Variants in STPG2 observed in about 807,000 individuals in gnomAD.
STPG2 encodes the protein sperm-tail PG-rich repeat-containing protein 2.
Under a neutral mutation model 54.2 loss-of-function variants are expected in STPG2, and 56 were observed. That is an observed-to-expected ratio of 1.03 (90% CI 0.83 to 1.29). The LOEUF is 1.29. STPG2 is among the 50% of genes most tolerant of loss of function. STPG2 has a pLI of 0.00. For missense variants in STPG2, 596 were observed against 544.9 expected (o/e 1.09, Z -0.93); for synonymous variants, 200 against 181.8 (o/e 1.10, Z -0.81).
intron 8 of STPG2, among the ~76,000 whole-genome samples, chr4:97,872,044 G>C (rs986816096): frequency 6.6e-6 from 1 of 150,954 alleles, no homozygotes; most frequent in African/African-American, 2.4e-5. Flanking sequence ...ACAGTCATAT[G>C]ATCATCTCAT....
chr4:97,556,365 T>A (rs564632181), downstream of STPG2, among the ~76,000 whole-genome samples: 1 of 152,148 alleles, frequency 6.6e-6, no homozygotes, highest in Non-Finnish European at 1.5e-5. Flanking sequence ...TCCAATTCCA[T>A]CCTTCAGAAA....
chr4:98,017,660 G>T (rs1736007406), intron 5 of STPG2, among the ~76,000 whole-genome samples: 1 of 152,126 alleles, frequency 6.6e-6, no homozygotes, highest in Non-Finnish European at 1.5e-5. Flanking sequence ...TGCACAGATG[G>T]TTGTTTCAAC....
intron 10 of STPG2, among the ~76,000 whole-genome samples, chr4:97,621,367 C>CATTACTAAG (rs1360385615): frequency 7.2e-5 from 11 of 151,946 alleles, no homozygotes; most frequent in African/African-American, 2.7e-4. Flanking sequence ...AGTTTGAAAA[C>CATTACTAAG]ATTACTAAGA....
chr4:97,738,649 C>A (rs1259015134), intron 9 of STPG2, among the ~76,000 whole-genome samples: 2 of 152,156 alleles, frequency 1.3e-5, no homozygotes, highest in African/African-American at 4.8e-5. Flanking sequence ...ATCAATTCAA[C>A]AAGAAGAGCT....
chr4:97,500,201 T>C (rs906329549), intron 4 of STPG2, among the ~76,000 whole-genome samples: 1 of 151,996 alleles, frequency 6.6e-6, no homozygotes, highest in African/African-American at 2.4e-5. Flanking sequence ...ATTTGGAAAG[T>C]AGAGCAAATA....
At chr4:97,903,254 G>A (rs188517064) in intron 8 of STPG2, among the ~76,000 whole-genome samples, 1 of 152,170 alleles carries the variant, frequency 6.6e-6, no homozygotes, top group Admixed American at 6.5e-5. Context: ...ATGAGATAAT[G>A]GATATGATAA....
chr4:97,727,119 GAC>G (rs2149022500), intron 9 of STPG2, among the ~76,000 whole-genome samples: 1 of 151,888 alleles, frequency 6.6e-6, no homozygotes, highest in East Asian at 1.9e-4. Flanking sequence ...GTGAAAATTA[GAC>G]ACATAATTAC....
intron 4 of STPG2, among the ~76,000 whole-genome samples, chr4:97,455,561 GA>G (rs1428179648): frequency 6.6e-6 from 1 of 152,114 alleles, no homozygotes; most frequent in Non-Finnish European, 1.5e-5. Context: ...GACTCCAGGG[GA>G]AAAACCACCT....
chr4:97,801,496 AC>A (rs1727395886), intron 9 of STPG2, among the ~76,000 whole-genome samples: 1 of 152,214 alleles, frequency 6.6e-6, no homozygotes. Context: ...AAGAACTTGC[AC>A]AACGATTTCT....
At chr4:97,979,748 C>T (rs1452909283) in intron 6 of STPG2, among the ~76,000 whole-genome samples, 2 of 146,626 alleles carry the variant, frequency 1.4e-5, no homozygotes, top group African/African-American at 5.1e-5. Context: ...TTTTTTGAGA[C>T]GGAGTCTTGC....
chr4:97,890,814 T>C (rs1003583405), intron 8 of STPG2, among the ~76,000 whole-genome samples: 2 of 151,950 alleles, frequency 1.3e-5, no homozygotes, highest in Non-Finnish European at 2.9e-5. Flanking sequence ...GTGCAACTAC[T>C]ACATATCAAT....
At chr4:97,526,526 GT>G (rs1009000322) in intron 4 of STPG2, among the ~76,000 whole-genome samples, 87 of 151,988 alleles carry the variant, frequency 5.7e-4, no homozygotes, top group Non-Finnish European at 9.4e-4. Context: ...TGATGGCGCT[GT>G]TTTTTTCTTG....
At chr4:97,749,262 G>A (rs1447403539) in intron 9 of STPG2, among the ~76,000 whole-genome samples, 1 of 151,630 alleles carries the variant, frequency 6.6e-6, no homozygotes, top group Admixed American at 6.6e-5. Flanking sequence ...AGCAAAAGAG[G>A]CAAGCGCCTT....
intron 5 of STPG2, among the ~76,000 whole-genome samples, chr4:98,022,515 G>C (rs559610546): frequency 9.9e-5 from 15 of 151,690 alleles, no homozygotes; most frequent in Non-Finnish European, 1.3e-4. Flanking sequence ...CTCTTCTCGA[G>C]GAGTATCTTT....
intron 8 of STPG2, among the ~76,000 whole-genome samples, chr4:97,884,824 G>A (rs762285797): frequency 3.3e-5 from 5 of 152,004 alleles, no homozygotes; most frequent in Admixed American, 6.6e-5. Context: ...ACCAGAGGAG[G>A]AACCTTAGTG....
chr4:97,477,654 T>G (rs1358627286), intron 4 of STPG2, among the ~76,000 whole-genome samples: 1 of 150,882 alleles, frequency 6.6e-6, no homozygotes, highest in African/African-American at 2.5e-5. Context: ...TTTTTTTTTT[T>G]TTTCTTTTTG....
intron 9 of STPG2, among the ~76,000 whole-genome samples, chr4:97,780,610 C>T (rs1335123276): frequency 7.8e-6 from 1 of 128,902 alleles, no homozygotes; most frequent in African/African-American, 3.1e-5. Context: ...TGCTCCACCC[C>T]AAATCAACAG....
In STPG2 at chr4:98,143,097, C is replaced by T. The variant is rs149258882; in HGVS notation, c.54G>A (p.Glu18=). 4.3e-6 allele frequency: 7 copies of T among 1,614,012 alleles called. 1 individual carries two copies. In the African/African-American group the frequency reaches 9.3e-5, roughly 22 times the overall value. ...GGTAGGATCCAGGACCCACATGGGC[C>T]TCAGTGCTGCCACCTTCAGCCAATT... The part of the protein sequence containing the change: ...LLKLAEGGST[E]AHVGPGSYQV... Residue 18 remains glutamate (E), a synonymous_variant, in exon 1 of 11, where the codon GAG becomes GAA. Coordinates refer to ENST00000295268, the MANE Select transcript of STPG2 (RefSeq NM_174952.3).
At chr4:97,920,207 T>A (rs1482702612) in intron 8 of STPG2, among the ~76,000 whole-genome samples, 8 of 152,140 alleles carry the variant, frequency 5.3e-5, no homozygotes, top group Admixed American at 3.3e-4. Context: ...TCTTTCCCCA[T>A]ATCCAGAACT....
Sources: allele counts gnomAD v4.1 joint callset (sites outside exome capture counted in the v4.1 genomes callset), GRCh38; gene constraint gnomAD v4.1.1; transcripts MANE v1.5; gene names NCBI Gene and HGNC (gene_info 2026-07-23, HGNC 2026-07-21).